KRT86: variants seen among roughly 807,000 people sequenced by gnomAD.
KRT86 encodes keratin 86, also known as keratin, type II cuticular Hb6.
KRT86 carries 30 observed loss-of-function variants against 41.2 expected under a neutral mutation model. The ratio of observed to expected loss-of-function variants is 0.73; its 90% confidence interval spans 0.54 to 0.99. The LOEUF is 0.99. KRT86 is among the 50% of genes least tolerant of loss of function. The probability of loss-of-function intolerance (pLI) is 0.00; values close to 1 mark genes in which losing one functional copy is unlikely to be tolerated. For missense variants in KRT86, 561 were observed against 571.4 expected (o/e 0.98, Z 0.19); for synonymous variants, 238 against 238.1 (o/e 1.00, Z 0.00).
chr12:52,286,939 C>G, intron 2 of KRT86: 1 of 1,512,820 alleles, frequency 6.6e-7, no homozygotes, highest in Non-Finnish European at 9.1e-7. Context: ...TCTGAGGGAA[C>G]AGCTTGCCTC....
chr12:52,288,050 A>T (rs779043874), intron 2 of KRT86: 3 of 1,613,994 alleles, frequency 1.9e-6, no homozygotes, highest in Admixed American at 3.3e-5. Flanking sequence ...ACTGTGCCTT[A>T]ATCTCGGCAA....
At position 52,301,959 on chromosome 12, in the gene KRT86, A is replaced by G. The variant is rs530949768; in HGVS notation, c.43A>G (p.Ile15Val). The G allele has an allele frequency of 7.4e-6, 12 of 1,613,736 alleles. No homozygotes were observed. The highest frequency in any genetic ancestry group is 4.4e-5 in the South Asian group (4 of 91,086). The stretch of plus-strand genomic sequence containing the variant: ...CTGTGGTGGCCGCGCCTTCAGCTGC[A>G]TCTCGGCCTGCGGGCCCCGGCCCGG... ...SYCGGRAFSCISACGPRPGRC... is the reference protein window; with the variant it reads ...SYCGGRAFSCVSACGPRPGRC... Residue 15 changes from isoleucine (I) to valine (V), a missense_variant, in exon 3 of 11, where the codon ATC (isoleucine) becomes GTC (valine). By Grantham distance (29) the Ile-to-Val change is conservative. Transcript: ENST00000423955.
chr12:52,292,924 G>A (rs1273376710), intron 2 of KRT86, among the ~76,000 whole-genome samples: 1 of 152,174 alleles, frequency 6.6e-6, no homozygotes, highest in African/African-American at 2.4e-5. Context: ...ATCACCTGAG[G>A]TCAGGAGTTC....
In KRT86 at chr12:52,308,704, C is replaced by A; in HGVS notation, c.*119C>A. ...ATAGCCGCCGCCCGCTGCCTGCACT[C>A]TAAGCGCCCTCCCCACCGCTCCGCT... On this transcript the variant is annotated 3_prime_UTR_variant, in exon 11 of 11. Coordinates refer to ENST00000423955, the MANE Select transcript of KRT86 (RefSeq NM_001320198.2). 2 of 989,390 alleles carry A rather than the reference C, an allele frequency of 2.0e-6. No individual in the cohort carries two copies. Among genetic ancestry groups the A allele is most frequent in the South Asian group, 1.5e-5 (1 of 67,506 alleles). 61.3% of individuals were successfully genotyped at this position (989,390 alleles called of 1,614,324 possible). A position where few individuals can be genotyped will look rare whatever the true frequency, so the allele number is the denominator to read the frequency against.
chr12:52,302,853 C>A (rs1938417151), intron 3 of KRT86, among the ~76,000 whole-genome samples: 1 of 127,478 alleles, frequency 7.8e-6, no homozygotes, highest in Non-Finnish European at 1.7e-5. Flanking sequence ...GGGGGGGGGT[C>A]ACTCAACTCC....
In KRT86 at chr12:52,301,975, CCCGGCCCGGCCG is replaced by C; in HGVS notation, c.61_72del (p.Arg21_Arg24del). 13 of 1,613,458 alleles carry C rather than the reference CCCGGCCCGGCCG, an allele frequency of 8.1e-6. No individual in the cohort carries two copies. Among genetic ancestry groups the C allele is most frequent in the Non-Finnish European group, 1.1e-5 (13 of 1,179,736 alleles). On this transcript the variant is annotated inframe_deletion, in exon 3 of 11. Transcript: ENST00000423955. ...TTCAGCTGCATCTCGGCCTGCGGGC[CCCGGCCCGGCCG>C]CTGCTGCATCACCGCCGCCCCCTAC... is the stretch of plus-strand genomic sequence containing the variant.
intron 2 of KRT86, chr12:52,288,514 C>T (rs1938039042): frequency 6.3e-7 from 1 of 1,589,670 alleles, no homozygotes; most frequent in African/African-American, 1.3e-5. Context: ...CCCCAGACTC[C>T]TCTCTCTGCC....
At position 52,307,365 on chromosome 12, in the gene KRT86, A is replaced by T. The variant is rs199791390; in HGVS notation, c.1248-868A>T. 1.6e-4 allele frequency among the ~76,000 whole-genome samples: 24 copies of T among 152,354 alleles called. 1 individual carries two copies. In the South Asian group the frequency reaches 2.3e-3, roughly 14 times the overall value. On this transcript the variant is annotated intron_variant, in intron 9 of 10. Coordinates refer to ENST00000423955, the MANE Select transcript of KRT86 (RefSeq NM_001320198.2). ...AATCTGAGTGGCCCACTCCTCCATC[A>T]CACGGGGCTCTTGGAGTGAACTCAG...
chr12:52,286,037 G>C, intron 2 of KRT86: 1 of 586,866 alleles, frequency 1.7e-6, no homozygotes, highest in Non-Finnish European at 3.0e-6. Context: ...CCTTCCTATG[G>C]GTGCCAGCGG....
Position 52,306,263 on chromosome 12 carries a change from G to T in KRT86, c.1230G>T (p.Leu410=), listed in dbSNP as rs1938515903. Residue 410 remains leucine, a synonymous_variant, in exon 9 of 11, where the codon CTG becomes CTT. Coordinates refer to ENST00000423955, the MANE Select transcript of KRT86 (RefSeq NM_001320198.2). The part of the protein sequence containing the change: ...DIEIATYRRL[L]EGEEQRLCEG... ...AGATCGCCACCTACAGGCGCCTGCTGGAGGGCGAGGAGCAGAGGTGGGTCC... is the reference window on the plus strand; with the variant it reads ...AGATCGCCACCTACAGGCGCCTGCTTGAGGGCGAGGAGCAGAGGTGGGTCC... 1 of 1,613,506 alleles carries T rather than the reference G, an allele frequency of 6.2e-7. No homozygotes were observed.
intron 2 of KRT86, among the ~76,000 whole-genome samples, chr12:52,289,522 TC>T (rs1938073622): frequency 3.5e-5 from 1 of 28,786 alleles, no homozygotes; most frequent in Admixed American, 3.4e-4. Flanking sequence ...CCAAAGGGGC[TC>T]TGAGGTCCCC....
At chr12:52,278,157 G>A (rs544073356) in intron 2 of KRT86, among the ~76,000 whole-genome samples, 1 of 152,328 alleles carries the variant, frequency 6.6e-6, no homozygotes, top group South Asian at 2.1e-4. Context: ...GGAGACAAGG[G>A]CTGTCACCAG....
At chr12:52,295,653 A>G (rs1938232929) in intron 2 of KRT86, among the ~76,000 whole-genome samples, 1 of 152,204 alleles carries the variant, frequency 6.6e-6, no homozygotes, top group Non-Finnish European at 1.5e-5. Context: ...ACATACCCAG[A>G]TAATGAACAA....
At chr12:52,286,915 A>G in intron 2 of KRT86, 1 of 1,543,982 alleles carries the variant, frequency 6.5e-7, no homozygotes, top group Non-Finnish European at 8.9e-7. Flanking sequence ...ACAACTGGTC[A>G]ATTAAGAACA....
At chr12:52,291,227 G>C (rs889414332) in intron 2 of KRT86, 1 of 1,482,932 alleles carries the variant, frequency 6.7e-7, no homozygotes, top group Non-Finnish European at 9.1e-7. Flanking sequence ...GACCGACACG[G>C]TGGTGATGCA....
At position 52,302,208 on chromosome 12, in the gene KRT86, A is replaced by C; in HGVS notation, c.292A>C (p.Asn98His). 1 of 1,214,294 alleles carries C rather than the reference A, an allele frequency of 8.2e-7. No individual in the cohort carries two copies. Among genetic ancestry groups the C allele is most frequent in the Non-Finnish European group, 1.1e-6 (1 of 877,026 alleles). The allele number at this position is 1,214,294 out of a possible 1,614,324, so 75.2% of individuals were successfully genotyped here. A position where few individuals can be genotyped will look rare whatever the true frequency, so the allele number is the denominator to read the frequency against. Reference protein sequence around the residue: ...LTPLNLEIDPNAQCVKQEEKE... With the variant: ...LTPLNLEIDPHAQCVKQEEKE... ...GCCCCTCAACCTGGAGATCGACCCC[A>C]ACGCGCAGTGCGTGAAGCAGGAGGA... Residue 98 changes from asparagine to histidine, a missense_variant, in exon 3 of 11, where the codon AAC becomes CAC. By Grantham distance (68) the Asn-to-His change is moderately conservative. Coordinates refer to ENST00000423955, the MANE Select transcript of KRT86 (RefSeq NM_001320198.2).
chr12:52,302,116 C>G lies in KRT86; in HGVS notation c.200C>G (p.Ser67Cys). The change falls in exon 3 of 11, where the codon TCC (serine) becomes TGC (cysteine). Residue 67 changes from serine to cysteine, a missense_variant. This residue lies in a region of KRT86 where 164 missense variants were observed against 172.5 expected (regional missense o/e 0.95). Coordinates refer to ENST00000423955, the MANE Select transcript of KRT86 (RefSeq NM_001320198.2). ...GSCGRSFGYR[S>C]GGVCGPSPPC... ...TGCGGACGCAGCTTCGGCTACCGCT[C>G]CGGGGGCGTGTGCGGGCCCAGTCCC... 1 of 1,553,722 alleles carries G rather than the reference C, an allele frequency of 6.4e-7. No homozygotes were observed. The highest frequency in any genetic ancestry group is 1.4e-5 in the African/African-American group (1 of 71,626).
intron 2 of KRT86, among the ~76,000 whole-genome samples, chr12:52,279,965 G>A (rs534286670): frequency 8.5e-5 from 13 of 152,164 alleles, no homozygotes; most frequent in South Asian, 8.3e-4. Flanking sequence ...GGCCATAGAC[G>A]AGGAAACCGA....
chr12:52,279,600 C>G (rs1031786792), intron 2 of KRT86, among the ~76,000 whole-genome samples: 2 of 152,196 alleles, frequency 1.3e-5, no homozygotes, highest in Non-Finnish European at 1.5e-5. Context: ...CACAGACAAA[C>G]CTGGCTGCGG....
Sources: gnomAD v4.1 joint callset for allele counts (sites outside exome capture counted in the v4.1 genomes callset) on GRCh38, gnomAD v4.1.1 for gene constraint, gnomAD v4.1.1 regional missense constraint, MANE v1.5 for transcripts, NCBI Gene and HGNC (gene_info 2026-07-23, HGNC 2026-07-21) for gene names.